CLPP: variants seen among roughly 807,000 people sequenced by gnomAD.
CLPP encodes the protein caseinolytic mitochondrial matrix peptidase proteolytic subunit.
Under a neutral mutation model 27.4 loss-of-function variants are expected in CLPP, and 14 were observed. The ratio of observed to expected loss-of-function variants is 0.51; its 90% CI spans 0.34 to 0.80. The LOEUF is 0.80. Among genes scored for constraint, CLPP ranks in the 30% least tolerant of loss-of-function variants. The pLI is 0.02. For missense variants in CLPP, 361 were observed against 403.6 expected (o/e 0.89, Z 0.90); for synonymous variants, 193 against 166.6 (o/e 1.16, Z -1.22).
At chr19:6,366,041 A>T (rs555288396) in intron 4 of CLPP, among the ~76,000 whole-genome samples, 2 of 152,324 alleles carry the variant, frequency 1.3e-5, no homozygotes, top group African/African-American at 4.8e-5. Flanking sequence ...AAGGCTTCAG[A>T]TGCAGAAAAT....
At chr19:6,367,974 A>G (rs1223009294) in intron 5 of CLPP, among the ~76,000 whole-genome samples, 3 of 152,102 alleles carry the variant, frequency 2.0e-5, no homozygotes, top group Admixed American at 2.0e-4. Flanking sequence ...CAAGTGGTCC[A>G]CCCACCTCTG....
Position 6,364,702 on chromosome 19 carries a change from C to T in CLPP, c.555+63C>T. On this transcript the variant is annotated intron_variant, in intron 4 of 5. Transcript: ENST00000245816. ...GACAGGGTCTAGACAGAAGGACTGA[C>T]TGGGCGGAAGTCAAGCGTGGGAGGG... The T allele has an allele frequency of 3.4e-6, 5 of 1,464,302 alleles. No individual in the cohort carries two copies. In the East Asian group the frequency reaches 9.4e-5, roughly 27 times the overall value. The allele number at this position is 1,464,302 out of a possible 1,614,324, so 90.7% of individuals were successfully genotyped here.
intron 5 of CLPP, 79 bp from the exon 6 acceptor site, chr19:6,368,459 C>CA: frequency 6.9e-7 from 1 of 1,446,514 alleles, no homozygotes; most frequent in Non-Finnish European, 9.6e-7. Context: ...CACAAACATT[C>CA]AGGCCAAAAC....
At chr19:6,367,453 T>G (rs1599197144) in intron 5 of CLPP, among the ~76,000 whole-genome samples, 1 of 150,656 alleles carries the variant, frequency 6.6e-6, no homozygotes, top group East Asian at 2.0e-4. Context: ...GAAAGAAGAA[T>G]AAACACTCTG....
chr19:6,370,240 G>A lies in CLPP; in HGVS notation c.*1530G>A, dbSNP rs1008582471. Among the ~76,000 whole-genome samples the A allele has an allele frequency of 1.1e-4, 16 of 152,338 alleles. No homozygotes were observed. In the South Asian group the frequency reaches 3.3e-3, roughly 32 times the overall value. On this transcript the variant is annotated 3_prime_UTR_variant, in exon 6 of 6. Coordinates refer to ENST00000245816, the MANE Select transcript of CLPP (RefSeq NM_006012.4). ...TTGAAATAAAAACGTAGGTGTCATC[G>A]GCCGGGCGCGGTGGCTCACGCCTGT...
chr19:6,368,716 G>A lies in CLPP; in HGVS notation c.*6G>A, dbSNP rs1265517967. 1 of 1,549,420 alleles carries A rather than the reference G, an allele frequency of 6.5e-7. No homozygotes were observed. Among genetic ancestry groups the A allele is most frequent in the South Asian group, 1.2e-5 (1 of 84,068 alleles). On this transcript the variant is annotated 3_prime_UTR_variant, in exon 6 of 6. Transcript: ENST00000245816. ...CTGTCCCAGCTAGCACCTGAGAGCTGGGCCTCCTCTCCAGAATCATGTGGA... is the reference window on the plus strand; with the variant it reads ...CTGTCCCAGCTAGCACCTGAGAGCTAGGCCTCCTCTCCAGAATCATGTGGA...
Position 6,364,477 on chromosome 19 carries a change from C to T in CLPP, c.393C>T (p.Ala131=). 1 of 1,610,244 alleles carries T rather than the reference C, an allele frequency of 6.2e-7. No homozygotes were observed. Among genetic ancestry groups the T allele is most frequent in the Non-Finnish European group, 8.5e-7 (1 of 1,179,288 alleles). The change falls in exon 4 of 6, where the codon GCC becomes GCT. Residue 131 remains alanine, a synonymous_variant. Transcript: ENST00000245816. The part of the protein sequence containing the change: ...SPGGVVTAGL[A]IYDTMQYILN... ...GTGGTGTGGTGACCGCGGGCCTGGCCATCTACGACACGATGCAGTACATCC... is the reference window on the plus strand; with the variant it reads ...GTGGTGTGGTGACCGCGGGCCTGGCTATCTACGACACGATGCAGTACATCC...
chr19:6,361,559 C>A lies in CLPP; in HGVS notation c.-16C>A, dbSNP rs952838508. ...GTTCCGCCATCGGACGGAAGCCGACCGGGGCGTGCGGAGGGATGTGGCCCG... is the reference window on the plus strand; with the variant it reads ...GTTCCGCCATCGGACGGAAGCCGACAGGGGCGTGCGGAGGGATGTGGCCCG... On this transcript the variant is annotated 5_prime_UTR_variant, in exon 1 of 6. Coordinates refer to ENST00000245816, the MANE Select transcript of CLPP (RefSeq NM_006012.4). The A allele has an allele frequency of 5.0e-6, 7 of 1,391,064 alleles. No homozygotes were observed. The African/African-American group carries it at 9.2e-5, about 18-fold the overall frequency. 86.2% of individuals were successfully genotyped at this position (1,391,064 alleles called of 1,614,324 possible).
chr19:6,367,721 A>G (rs1037959795), intron 5 of CLPP, among the ~76,000 whole-genome samples: 1 of 142,106 alleles, frequency 7.0e-6, no homozygotes, highest in South Asian at 2.2e-4. Flanking sequence ...ATCAATAACA[A>G]TTTTTTTTTT....
chr19:6,361,732 C>T lies in CLPP; in HGVS notation c.158C>T (p.Thr53Ile). The change falls in exon 1 of 6, where the codon ACC (threonine) becomes ATC (isoleucine). Residue 53 changes from threonine (T) to isoleucine (I), a missense_variant. Physicochemically the swap from Thr to Ile is moderately conservative, Grantham distance 89. Transcript: ENST00000245816. ...ALQRCLHATA[T>I]RALPLIPIVV... ...CAGCGGTGCCTGCACGCGACGGCGA[C>T]CCGGGCTCTCCCGCTCATTCCCATC... is the stretch of plus-strand genomic sequence containing the variant. 1 of 1,511,150 alleles carries T rather than the reference C, an allele frequency of 6.6e-7. No homozygotes were observed. The highest frequency in any genetic ancestry group is 8.8e-7 in the Non-Finnish European group (1 of 1,133,834). 93.6% of individuals were successfully genotyped at this position (1,511,150 alleles called of 1,614,324 possible). A position where few individuals can be genotyped will look rare whatever the true frequency, so the allele number is the denominator to read the frequency against.
At chr19:6,362,827 C>T (rs2091842780) in intron 3 of CLPP, among the ~76,000 whole-genome samples, 1 of 152,070 alleles carries the variant, frequency 6.6e-6, no homozygotes, top group Non-Finnish European at 1.5e-5. Flanking sequence ...GTGGCTCACA[C>T]CGGTAATCCC....
chr19:6,366,443 G>A (rs1187593894), intron 5 of CLPP, 80 bp downstream of exon 5: 3 of 1,094,698 alleles, frequency 2.7e-6, no homozygotes, highest in African/African-American at 3.2e-5. Context: ...TCTCCACCTG[G>A]CCCCTGCGGA....
At chr19:6,362,367 C>T (rs2145048809) in intron 2 of CLPP, 79 bp from the exon 3 acceptor site, 1 of 972,962 alleles carries the variant, frequency 1.0e-6, no homozygotes, top group Non-Finnish European at 1.7e-6. Context: ...CTTCCTGGTT[C>T]CCTGACCCAT....
Position 6,368,521 on chromosome 19 carries a change from T to A in CLPP, c.662-17T>A. 1 of 1,613,962 alleles carries A rather than the reference T, an allele frequency of 6.2e-7. No individual in the cohort carries two copies. Among genetic ancestry groups the A allele is most frequent in the East Asian group, 2.2e-5 (1 of 44,886 alleles). ...TGCTCTTACCCTAATGTGTCTCACC[T>A]CCTGCTTCCCCACCAGAGTCCGCCA... is the stretch of plus-strand genomic sequence containing the variant. On this transcript the variant is annotated splice_polypyrimidine_tract_variant and intron_variant, in intron 5 of 5. Transcript: ENST00000245816.
At chr19:6,362,775 C>T (rs1256973918) in intron 3 of CLPP, among the ~76,000 whole-genome samples, 1 of 152,096 alleles carries the variant, frequency 6.6e-6, no homozygotes, top group African/African-American at 2.4e-5. Flanking sequence ...CCAACCTGAC[C>T]CGGCTGACAT....
chr19:6,366,463 C>T (rs535328092), intron 5 of CLPP, 100 bp downstream of exon 5: 1 of 832,136 alleles, frequency 1.2e-6, no homozygotes, highest in East Asian at 2.7e-5. Flanking sequence ...ACTTTCAGGG[C>T]TGGATCGTTC....
intron 4 of CLPP, among the ~76,000 whole-genome samples, 176 bp from the exon 5 acceptor site, chr19:6,366,082 C>G (rs142886270): frequency 1.2e-4 from 18 of 152,302 alleles, no homozygotes; most frequent in Non-Finnish European, 2.2e-4. Flanking sequence ...AGAAAGCCTT[C>G]CTGGTAGTGG....
At chr19:6,367,036 C>T (rs1467402271) in intron 5 of CLPP, among the ~76,000 whole-genome samples, 4 of 151,570 alleles carry the variant, frequency 2.6e-5, no homozygotes, top group Admixed American at 1.3e-4. Flanking sequence ...TTCAGGAGTT[C>T]AAGACCAGCC....
In CLPP at chr19:6,362,499, C is replaced by T; in HGVS notation, c.324C>T (p.Ser108=). Residue 108 remains serine (S), a synonymous_variant, in exon 3 of 6, where the codon TCC becomes TCT. Transcript: ENST00000245816. The part of the protein sequence containing the change: ...LVIAQLLFLQ[S]ESNKKPIHMY... ...TCGCACAGCTCCTCTTCCTGCAATCCGAGAGCAACAAGAAGCCCATCCACA... is the reference window on the plus strand; with the variant it reads ...TCGCACAGCTCCTCTTCCTGCAATCTGAGAGCAACAAGAAGCCCATCCACA... 1 of 1,614,040 alleles carries T rather than the reference C, an allele frequency of 6.2e-7. No individual in the cohort carries two copies. Among genetic ancestry groups the T allele is most frequent in the Non-Finnish European group, 8.5e-7 (1 of 1,179,948 alleles).
Sources: gnomAD v4.1 joint callset for allele counts (sites outside exome capture counted in the v4.1 genomes callset) on GRCh38, gnomAD v4.1.1 for gene constraint, MANE v1.5 for transcripts, NCBI Gene and HGNC (gene_info 2026-07-23, HGNC 2026-07-21) for gene names.